The following HIVEP3 variants were observed in gnomAD, a reference collection of about 807,000 sequenced individuals.
HIVEP3 encodes the protein transcription factor HIVEP3.
Under a neutral mutation model 152.8 loss-of-function variants are expected in HIVEP3, and 49 were observed. The observed-to-expected ratio is 0.32, with a 90% CI of 0.26 to 0.41. The LOEUF is 0.41. Among genes scored for constraint, HIVEP3 ranks in the 10% least tolerant of loss-of-function variants. The pLI, the probability that HIVEP3 is intolerant of heterozygous loss-of-function variation, is 1.00. For synonymous variants in HIVEP3, 1,269 were observed against 1,289.0 expected (o/e 0.98, Z 0.33); for missense variants, 2,790 against 3,103.3 (o/e 0.90, Z 2.40).
At chr1:41,929,162 T>C (rs1334762492) in intron 1 of HIVEP3, among the ~76,000 whole-genome samples, 3 of 152,250 alleles carry the variant, frequency 2.0e-5, no homozygotes, top group Admixed American at 1.3e-4. Context: ...ATTTTCTATT[T>C]CCTCCACTTC....
At chr1:41,844,837 A>G (rs1229205722) in intron 1 of HIVEP3, among the ~76,000 whole-genome samples, 1 of 152,260 alleles carries the variant, frequency 6.6e-6, no homozygotes, top group Non-Finnish European at 1.5e-5. Context: ...AACATCTCAT[A>G]TAGAATAATC....
intron 5 of HIVEP3, among the ~76,000 whole-genome samples, chr1:41,544,828 C>T (rs1242090918): frequency 1.1e-5 from 1 of 87,760 alleles, no homozygotes; most frequent in Non-Finnish European, 2.8e-5. Flanking sequence ...TCTACCACCA[C>T]CATCACCACC....
intron 1 of HIVEP3, among the ~76,000 whole-genome samples, chr1:41,876,322 C>T (rs570183436): frequency 9.9e-5 from 15 of 152,182 alleles, no homozygotes; most frequent in African/African-American, 2.4e-4. Flanking sequence ...GAGAAGAGAC[C>T]GGCTTTGCAG....
intron 1 of HIVEP3, among the ~76,000 whole-genome samples, chr1:41,789,569 G>A (rs1222729292): frequency 6.6e-6 from 1 of 152,154 alleles, no homozygotes; most frequent in East Asian, 1.9e-4. Flanking sequence ...TCATAATTTG[G>A]CAGACCTTAT....
At chr1:41,555,554 G>A (rs1261478960) in intron 5 of HIVEP3, among the ~76,000 whole-genome samples, 1 of 152,190 alleles carries the variant, frequency 6.6e-6, no homozygotes, top group Admixed American at 6.5e-5. Flanking sequence ...AGTTGGAAAT[G>A]CAGAAATCAC....
At chr1:41,630,575 C>G (rs899540187) in intron 2 of HIVEP3, among the ~76,000 whole-genome samples, 5 of 152,186 alleles carry the variant, frequency 3.3e-5, no homozygotes, top group African/African-American at 1.2e-4. Flanking sequence ...CTTCCAGGAG[C>G]TGACAGCAAC....
intron 1 of HIVEP3, among the ~76,000 whole-genome samples, chr1:41,704,199 G>T (rs538470368): frequency 6.6e-6 from 1 of 152,222 alleles, no homozygotes; most frequent in East Asian, 1.9e-4. Context: ...CATCCTATGG[G>T]CCAACTTGTT....
chr1:41,936,675 TGACTA>T (rs1021265235), intron 1 of HIVEP3, among the ~76,000 whole-genome samples: 37 of 152,360 alleles, frequency 2.4e-4, no homozygotes, highest in African/African-American at 8.4e-4. Flanking sequence ...ATACAAAGTG[TGACTA>T]CTCTGTCTTT....
chr1:41,583,107 T>A lies in HIVEP3; in HGVS notation c.1691A>T (p.Asp564Val). The A allele has an allele frequency of 6.2e-7, 1 of 1,613,294 alleles. No homozygotes were observed. The highest frequency in any genetic ancestry group is 8.5e-7 in the Non-Finnish European group (1 of 1,179,760). ...HHPFRGSYSFDDHITDSEALS... is the reference protein window; with the variant it reads ...HHPFRGSYSFVDHITDSEALS... ...GGCTTCGGAGTCGGTGATATGGTCA[T>A]CGAAGGAGTAGCTACCTCGGAAGGG... The change falls in exon 4 of 9, where the codon GAT (aspartate) becomes GTT (valine). Residue 564 changes from aspartate (D) to valine (V), a missense_variant. Physicochemically the swap from Asp to Val is radical, Grantham distance 152. Transcript: ENST00000372583. This position sits in a 1 kb window ranked among gnomAD's most constrained non-coding sequence, Gnocchi z 6.9.
intron 1 of HIVEP3, among the ~76,000 whole-genome samples, chr1:41,900,397 G>A (rs1644600802): frequency 6.6e-6 from 1 of 152,208 alleles, no homozygotes; most frequent in Non-Finnish European, 1.5e-5. Context: ...GGGAAGAGGA[G>A]GGAGCAATCC....
chr1:41,526,559 T>TCACCCTAA (rs780154262), intron 5 of HIVEP3, among the ~76,000 whole-genome samples: 1 of 22,112 alleles, frequency 4.5e-5, no homozygotes, highest in Non-Finnish European at 8.6e-5. Context: ...ACCCTCACCC[T>TCACCCTAA]CACACACCCT....
At chr1:41,777,235 G>C (rs539214432) in intron 1 of HIVEP3, among the ~76,000 whole-genome samples, 1 of 152,342 alleles carries the variant, frequency 6.6e-6, no homozygotes, top group Admixed American at 6.5e-5. Flanking sequence ...GGAAAGGAAA[G>C]GGGCTTCTCT....
chr1:41,651,411 CAAAAAA>C (rs35508121), intron 2 of HIVEP3, among the ~76,000 whole-genome samples: 1 of 89,068 alleles, frequency 1.1e-5, no homozygotes, highest in Non-Finnish European at 2.2e-5. Context: ...AACTCCATCT[CAAAAAA>C]AAAAAAAAAA....
chr1:41,640,321 C>A (rs976299572), intron 2 of HIVEP3, among the ~76,000 whole-genome samples: 24 of 152,056 alleles, frequency 1.6e-4, no homozygotes, highest in Non-Finnish European at 3.1e-4. Context: ...AGTGAGGTCG[C>A]TTCCTGCTAT....
At chr1:41,965,664 C>T (rs1645193449) in intron 1 of HIVEP3, among the ~76,000 whole-genome samples, 1 of 152,028 alleles carries the variant, frequency 6.6e-6, no homozygotes, top group Admixed American at 6.6e-5. Flanking sequence ...GTAAGACAGG[C>T]AGACAAGATT....
intron 1 of HIVEP3, among the ~76,000 whole-genome samples, chr1:41,731,106 A>G (rs999515652): frequency 5.3e-5 from 8 of 152,134 alleles, no homozygotes; most frequent in African/African-American, 1.9e-4. Context: ...TTCTTTGAAC[A>G]AGTGTGACTG....
intron 3 of HIVEP3, among the ~76,000 whole-genome samples, chr1:41,592,908 G>T (rs755919788): frequency 6.6e-6 from 1 of 152,188 alleles, no homozygotes; most frequent in Non-Finnish European, 1.5e-5. Context: ...CCTGGACACC[G>T]GCTTCTGCCA....
At chr1:42,004,964 T>A (rs1040798586) in intron 1 of HIVEP3, among the ~76,000 whole-genome samples, 8 of 152,206 alleles carry the variant, frequency 5.3e-5, no homozygotes, top group Non-Finnish European at 1.2e-4. Context: ...TAGTTCTAAA[T>A]CCTTTGCTTC....
intron 1 of HIVEP3, among the ~76,000 whole-genome samples, chr1:41,880,136 T>C (rs1644238299): frequency 6.6e-6 from 1 of 152,130 alleles, no homozygotes; most frequent in Non-Finnish European, 1.5e-5. Flanking sequence ...CATAGCCCAC[T>C]GTAGCCTTCA....
Sources: gnomAD v4.1 joint callset for allele counts (sites outside exome capture counted in the v4.1 genomes callset) on GRCh38, gnomAD v4.1.1 for gene constraint, Gnocchi (gnomAD v3.1) non-coding constraint, MANE v1.5 for transcripts, NCBI Gene and HGNC (gene_info 2026-07-23, HGNC 2026-07-21) for gene names.